The following RSRC1 variants were observed in gnomAD, a reference collection of about 807,000 sequenced individuals.
RSRC1 encodes arginine and serine rich coiled-coil 1, also known as serine/Arginine-related protein 53.
RSRC1 carries 39 observed loss-of-function variants against 49.1 expected under a neutral mutation model. The observed-to-expected ratio is 0.79, with a 90% CI of 0.61 to 1.04. The LOEUF (loss-of-function observed/expected upper bound fraction) is 1.04. Among genes scored for constraint, RSRC1 ranks in the 50% least tolerant of loss-of-function variants. RSRC1 has a pLI of 0.00. For synonymous variants in RSRC1, 143 were observed against 130.8 expected (o/e 1.09, Z -0.63); for missense variants, 388 against 402.4 (o/e 0.96, Z 0.31).
At chr3:158,266,702 C>T (rs1378018976) in intron 4 of RSRC1, among the ~76,000 whole-genome samples, 1 of 151,928 alleles carries the variant, frequency 6.6e-6, no homozygotes, top group African/African-American at 2.4e-5. Flanking sequence ...TTAACTTATC[C>T]CATTATATTT....
At chr3:158,498,212 C>T (rs1347681193) in intron 7 of RSRC1, among the ~76,000 whole-genome samples, 1 of 150,588 alleles carries the variant, frequency 6.6e-6, no homozygotes, top group Non-Finnish European at 1.5e-5. Flanking sequence ...GTTCCCTGAT[C>T]ATCGCATCCA....
At chr3:158,171,674 G>T (rs764696781) in intron 3 of RSRC1, among the ~76,000 whole-genome samples, 14 of 152,256 alleles carry the variant, frequency 9.2e-5, no homozygotes, top group Non-Finnish European at 2.1e-4. Flanking sequence ...AAATGGCCTG[G>T]TGTGGTGGCT....
intron 7 of RSRC1, among the ~76,000 whole-genome samples, chr3:158,513,519 A>C (rs1170669860): frequency 6.6e-6 from 1 of 152,158 alleles, no homozygotes. Context: ...TCAGTTTGCC[A>C]GTATTTTATT....
At chr3:158,155,916 A>T (rs1717847609) in intron 3 of RSRC1, among the ~76,000 whole-genome samples, 1 of 152,182 alleles carries the variant, frequency 6.6e-6, no homozygotes, top group Admixed American at 6.6e-5. Context: ...GATTTTCAAA[A>T]TGGGAAATGA....
intron 1 of RSRC1, among the ~76,000 whole-genome samples, chr3:158,119,340 A>G (rs1325259843): frequency 6.6e-6 from 1 of 152,054 alleles, no homozygotes; most frequent in African/African-American, 2.4e-5. Context: ...TGTGTTTTTC[A>G]CTTGCCAAAA....
chr3:158,125,292 T>C (rs1357967906), intron 3 of RSRC1, among the ~76,000 whole-genome samples: 4 of 152,200 alleles, frequency 2.6e-5, no homozygotes, highest in Middle Eastern at 3.4e-3. Context: ...TTGTTCTTTA[T>C]TTAGTTCCTT....
intron 6 of RSRC1, among the ~76,000 whole-genome samples, chr3:158,437,397 T>C (rs1046310034): frequency 2.0e-5 from 3 of 152,030 alleles, no homozygotes; most frequent in African/African-American, 7.2e-5. Flanking sequence ...GAAACAAATA[T>C]GTTAAATAAA....
At chr3:158,522,840 T>C (rs1711778841) in intron 7 of RSRC1, among the ~76,000 whole-genome samples, 4 of 152,132 alleles carry the variant, frequency 2.6e-5, no homozygotes. Context: ...CTATTAGTCA[T>C]TCATTCTTTA....
chr3:158,487,949 G>GGAAAACAAA (rs1553814781), intron 7 of RSRC1, among the ~76,000 whole-genome samples: 1 of 28,920 alleles, frequency 3.5e-5, no homozygotes, highest in Non-Finnish European at 6.0e-5. Flanking sequence ...TCCATCTCAA[G>GGAAAACAAA]AAAAAAAAAA....
intron 4 of RSRC1, among the ~76,000 whole-genome samples, chr3:158,255,684 A>G (rs1000572670): frequency 3.9e-5 from 6 of 152,178 alleles, no homozygotes; most frequent in Non-Finnish European, 7.3e-5. Context: ...CTTCCTGTCC[A>G]TGAGCATGGA....
At chr3:158,242,953 C>CT in intron 4 of RSRC1, among the ~76,000 whole-genome samples, 1 of 152,058 alleles carries the variant, frequency 6.6e-6, no homozygotes, top group African/African-American at 2.4e-5. Flanking sequence ...ATATTAGACC[C>CT]TTGTCAGATG....
chr3:158,383,348 C>T (rs557427568), intron 6 of RSRC1, among the ~76,000 whole-genome samples: 2,406 of 152,164 alleles, frequency 0.016, 81 homozygotes, highest in African/African-American at 0.055. Context: ...CTGTCCTGTG[C>T]CATTTTATAT....
chr3:158,253,365 G>T (rs1419511573), intron 4 of RSRC1, among the ~76,000 whole-genome samples: 1 of 151,842 alleles, frequency 6.6e-6, no homozygotes, highest in Non-Finnish European at 1.5e-5. Flanking sequence ...TAATTTCCAT[G>T]GTTTGTATAG....
chr3:158,278,597 G>C lies in RSRC1; in HGVS notation c.495-19442G>C, dbSNP rs80333906. Among the ~76,000 whole-genome samples, 837 of 152,286 alleles carry C rather than the reference G, an allele frequency of 5.5e-3. 10 individuals carry two copies. The highest frequency in any genetic ancestry group is 0.02 in the African/African-American group (816 of 41,562). ...CAAGCAAAACCGCTTGGACTCATTT[G>C]CCTTATCTCTTCACTGGACATGTTG... On this transcript the variant is annotated intron_variant, in intron 4 of 9. Coordinates refer to ENST00000611884, the MANE Select transcript of RSRC1 (RefSeq NM_001271838.2).
intron 7 of RSRC1, among the ~76,000 whole-genome samples, chr3:158,488,500 C>A (rs1189383748): frequency 6.6e-6 from 1 of 152,034 alleles, no homozygotes; most frequent in African/African-American, 2.4e-5. Flanking sequence ...GACTGACTGA[C>A]AAGAGGATGT....
chr3:158,255,514 G>A (rs1724491620), intron 4 of RSRC1, among the ~76,000 whole-genome samples: 2 of 152,168 alleles, frequency 1.3e-5, no homozygotes, highest in Non-Finnish European at 2.9e-5. Context: ...CTCCAGCTTT[G>A]TTCTTTTGGC....
chr3:158,502,254 C>T (rs1739639437), intron 7 of RSRC1, among the ~76,000 whole-genome samples: 1 of 152,110 alleles, frequency 6.6e-6, no homozygotes, highest in Non-Finnish European at 1.5e-5. Flanking sequence ...ATAGGTTTTC[C>T]TTTATAGGTT....
At chr3:158,381,858 T>A (rs1053791868) in intron 6 of RSRC1, among the ~76,000 whole-genome samples, 1 of 152,132 alleles carries the variant, frequency 6.6e-6, no homozygotes, top group Non-Finnish European at 1.5e-5. Context: ...GGTGAGTGAA[T>A]GTGAGGGCCT....
intron 4 of RSRC1, among the ~76,000 whole-genome samples, chr3:158,253,501 C>T (rs751263584): frequency 1.3e-5 from 2 of 151,904 alleles, no homozygotes; most frequent in Non-Finnish European, 2.9e-5. Flanking sequence ...TATGGTGTGT[C>T]CTTGAGATAA....
Sources: gnomAD v4.1 joint callset for allele counts (sites outside exome capture counted in the v4.1 genomes callset) on GRCh38, gnomAD v4.1.1 for gene constraint, MANE v1.5 for transcripts, NCBI Gene and HGNC (gene_info 2026-07-23, HGNC 2026-07-21) for gene names.